The following MIB1 variants were observed in gnomAD, a reference collection of about 807,000 sequenced individuals.
The protein encoded by MIB1 is E3 ubiquitin-protein ligase MIB1.
A neutral mutation model predicts 124.5 loss-of-function variants in MIB1; 278 were observed. That is an observed-to-expected ratio of 2.23 (90% CI 2.02 to 2.47). The LOEUF is 2.47. Ranked by LOEUF, MIB1 falls within the 30% of genes most tolerant of loss-of-function variation. The pLI, the probability that MIB1 is intolerant of heterozygous loss-of-function variation, is 0.00. For synonymous variants in MIB1, 446 were observed against 429.4 expected, an observed-to-expected ratio of 1.04 and a Z score of -0.48; for missense variants, 957 against 1,254.4, an observed-to-expected ratio of 0.76 and a Z score of 3.58.
At chr18:21,846,017 T>G (rs1188309936) in intron 15 of MIB1, among the ~76,000 whole-genome samples, 1 of 152,228 alleles carries the variant, frequency 6.6e-6, no homozygotes, top group Non-Finnish European at 1.5e-5. Context: ...TCATGTATTC[T>G]GTTCTGTTGG....
rs11083356 is a variant in MIB1 at position 21,803,700 on chromosome 18, T to A, written c.1372-207T>A. 38,334 of 415,518 alleles carry A rather than the reference T, an allele frequency of 0.092. 2,347 individuals are homozygous for A. The highest frequency in any genetic ancestry group is 0.13 in the Non-Finnish European group (30,458 of 232,688). The allele number at this position is 415,518 out of a possible 1,614,324, so 25.7% of individuals were successfully genotyped here. ...AGTTATTTCGTAACTCTTTGGACAATGAAACTTTTGTTTTTTAAAACAATG... is the reference window on the plus strand; with the variant it reads ...AGTTATTTCGTAACTCTTTGGACAAAGAAACTTTTGTTTTTTAAAACAATG... On this transcript the variant is annotated intron_variant, in intron 9 of 20. Transcript: ENST00000261537.
At chr18:21,785,664 A>C (rs1170307854) in intron 6 of MIB1, among the ~76,000 whole-genome samples, 1 of 152,132 alleles carries the variant, frequency 6.6e-6, no homozygotes. Context: ...TTGTAGTATT[A>C]AGAGTATTCT....
At chr18:21,796,162 G>A (rs1414237890) in intron 7 of MIB1, among the ~76,000 whole-genome samples, 1 of 149,052 alleles carries the variant, frequency 6.7e-6, no homozygotes, top group African/African-American at 2.5e-5. Flanking sequence ...TGTAGATTCT[G>A]GATATTAGAC....
At chr18:21,800,041 A>G in intron 9 of MIB1, 67 bp downstream of exon 9, 1 of 1,303,928 alleles carries the variant, frequency 7.7e-7, no homozygotes, top group Non-Finnish European at 1.1e-6. Context: ...CTTATCCTCA[A>G]CAATTACTAA....
At chr18:21,753,716 G>A (rs1023508417) in intron 1 of MIB1, among the ~76,000 whole-genome samples, 2 of 151,154 alleles carry the variant, frequency 1.3e-5, no homozygotes, top group African/African-American at 4.9e-5. Flanking sequence ...TGCTCTTGTT[G>A]CCCAGGCTGG....
At chr18:21,786,804 C>T (rs1464856670) in intron 6 of MIB1, among the ~76,000 whole-genome samples, 1 of 152,136 alleles carries the variant, frequency 6.6e-6, no homozygotes, top group African/African-American at 2.4e-5. Flanking sequence ...ACATCATTTC[C>T]ATCTCTGTTA....
intron 13 of MIB1, among the ~76,000 whole-genome samples, chr18:21,841,866 C>T (rs2042092457): frequency 6.6e-6 from 1 of 151,744 alleles, no homozygotes; most frequent in Non-Finnish European, 1.5e-5. Flanking sequence ...TGTGGTGCAC[C>T]TATGCAATGA....
intron 19 of MIB1, 113 bp from the exon 20 acceptor site, chr18:21,858,433 G>A (rs1457051242): frequency 3.4e-6 from 2 of 581,108 alleles, no homozygotes; most frequent in African/African-American, 3.7e-5. Context: ...TTTTGAAGAG[G>A]ATTTTAATAA....
At chr18:21,749,777 A>G (rs2040953402) in intron 1 of MIB1, among the ~76,000 whole-genome samples, 1 of 151,422 alleles carries the variant, frequency 6.6e-6, no homozygotes, top group Non-Finnish European at 1.5e-5. Context: ...AGTAGCTGAG[A>G]TTACAGGCAT....
At chr18:21,864,126 C>T (rs1426722343) in intron 20 of MIB1, among the ~76,000 whole-genome samples, 4 of 152,096 alleles carry the variant, frequency 2.6e-5, no homozygotes, top group Admixed American at 2.0e-4. Flanking sequence ...GGGACCCACC[C>T]TTGTCTGCCT....
chr18:21,801,044 A>G (rs1269932307), intron 9 of MIB1, among the ~76,000 whole-genome samples: 2 of 152,126 alleles, frequency 1.3e-5, no homozygotes, highest in African/African-American at 4.8e-5. Context: ...AATTTAAAGG[A>G]AAATACAGTT....
At chr18:21,789,877 A>T (rs993979279) in intron 6 of MIB1, among the ~76,000 whole-genome samples, 8 of 152,254 alleles carry the variant, frequency 5.3e-5, no homozygotes, top group African/African-American at 1.9e-4. Flanking sequence ...AGAAGAGGAT[A>T]TAATATGCCA....
chr18:21,778,636 T>G (rs549266943), intron 5 of MIB1, among the ~76,000 whole-genome samples: 2 of 152,188 alleles, frequency 1.3e-5, no homozygotes, highest in South Asian at 4.2e-4. Context: ...CTACCTTCAT[T>G]TTGTAGATTT....
At chr18:21,813,929 G>A (rs2041801649) in intron 10 of MIB1, among the ~76,000 whole-genome samples, 1 of 152,204 alleles carries the variant, frequency 6.6e-6, no homozygotes, top group African/African-American at 2.4e-5. Context: ...TTGCAATGCA[G>A]TATTGGAATA....
At chr18:21,797,501 T>C (rs1190252707) in intron 7 of MIB1, among the ~76,000 whole-genome samples, 1 of 151,970 alleles carries the variant, frequency 6.6e-6, no homozygotes, top group Non-Finnish European at 1.5e-5. Flanking sequence ...AAAAAGGTGA[T>C]AGTTGTCAAA....
At chr18:21,764,728 GAAAAAA>G (rs5823309) in intron 1 of MIB1, among the ~76,000 whole-genome samples, 2,492 of 147,220 alleles carry the variant, frequency 0.017, 64 homozygotes, top group African/African-American at 0.054. Flanking sequence ...CAGTTATTTT[GAAAAAA>G]AAAACAAAAC....
Position 21,853,322 on chromosome 18 carries a change from T to C in MIB1, c.2665+104T>C, listed in dbSNP as rs2042197973. On this transcript the variant is annotated intron_variant, in intron 18 of 20. Coordinates refer to ENST00000261537, the MANE Select transcript of MIB1 (RefSeq NM_020774.4). ...TTTGCTTTTGATTTTGGATAACTCA[T>C]AAAAAAGTTGATGGGCCTCGAGTAC... is the stretch of plus-strand genomic sequence containing the variant. 3 of 811,042 alleles carry C rather than the reference T, an allele frequency of 3.7e-6. No individual in the cohort carries two copies. The South Asian group carries it at 4.8e-5, about 13-fold the overall frequency. The allele number at this position is 811,042 out of a possible 1,614,324, so 50.2% of individuals were successfully genotyped here. A position where few individuals can be genotyped will look rare whatever the true frequency, so the allele number is the denominator to read the frequency against.
At chr18:21,735,029 G>C (rs114673172) in intron 1 of MIB1, among the ~76,000 whole-genome samples, 1,701 of 152,322 alleles carry the variant, frequency 0.011, 44 homozygotes, top group African/African-American at 0.039. Flanking sequence ...AAGTACTGAA[G>C]AGTGGAATGG....
Position 21,864,534 on chromosome 18 carries a change from C to T in MIB1, c.2889C>T (p.Cys963=). The T allele has an allele frequency of 1.9e-6, 3 of 1,611,588 alleles. No individual in the cohort carries two copies. Among genetic ancestry groups the T allele is most frequent in the Non-Finnish European group, 2.5e-6 (3 of 1,178,066 alleles). ...GTTATCTCACATTACAGACAATGTG[C>T]CCTGTGTGTCTAGATCGTCTGAAGA... ...QLQDIKEQTM[C]PVCLDRLKNM... The change falls in exon 21 of 21, where the codon TGC becomes TGT. Residue 963 remains cysteine, a synonymous_variant. Coordinates refer to ENST00000261537, the MANE Select transcript of MIB1 (RefSeq NM_020774.4).
Sources: allele counts gnomAD v4.1 joint callset (sites outside exome capture counted in the v4.1 genomes callset), GRCh38; gene constraint gnomAD v4.1.1; transcripts MANE v1.5; gene names NCBI Gene and HGNC (gene_info 2026-07-23, HGNC 2026-07-21).